Variants in ADSL observed in about 807,000 individuals in gnomAD.
The protein encoded by ADSL is adenylosuccinase.
Under a neutral mutation model 62.1 loss-of-function variants are expected in ADSL, and 44 were observed. The ratio of observed to expected loss-of-function variants is 0.71; its 90% CI spans 0.56 to 0.91. ADSL has a LOEUF of 0.91. Among genes scored for constraint, ADSL ranks in the 40% least tolerant of loss-of-function variants. The pLI is 0.00. For synonymous variants in ADSL, 198 were observed against 220.5 expected, an observed-to-expected ratio of 0.90 and a Z score of 0.90; for missense variants, 531 against 627.4, an observed-to-expected ratio of 0.85 and a Z score of 1.64.
At position 40,386,327 on chromosome 22, in the gene ADSL, T is replaced by C. The variant is rs569286328; in HGVS notation, c.90-3903T>C. ...CAGCATTATTAAGTGTGAAATAATA[T>C]AAAGATATGGACTGCTTAACCCTAA... On this transcript the variant is annotated intron_variant, in intron 2 of 2. Transcript: ENST00000498234. Among the ~76,000 whole-genome samples, 4 of 152,300 alleles carry C rather than the reference T, an allele frequency of 2.6e-5. No individual in the cohort carries two copies. In the South Asian group the frequency reaches 8.3e-4, roughly 32 times the overall value.
downstream of ADSL, among the ~76,000 whole-genome samples, chr22:40,372,116 C>A (rs908468545): frequency 2.5e-5 from 3 of 118,376 alleles, no homozygotes; most frequent in East Asian, 5.2e-4. Context: ...TCCCTGTCCC[C>A]CCCCCCTTTT....
At chr22:40,356,354 G>T (rs987693481) in intron 4 of ADSL, among the ~76,000 whole-genome samples, 1 of 151,982 alleles carries the variant, frequency 6.6e-6, no homozygotes, top group Non-Finnish European at 1.5e-5. Context: ...GGCCAACATG[G>T]TGAAACTCCA....
At chr22:40,351,728 G>T (rs2044354341) in intron 2 of ADSL, among the ~76,000 whole-genome samples, 1 of 151,876 alleles carries the variant, frequency 6.6e-6, no homozygotes, top group African/African-American at 2.4e-5. Context: ...ATTTTTTTGA[G>T]ACGGAGTCTC....
downstream of ADSL, among the ~76,000 whole-genome samples, chr22:40,371,685 C>A (rs568658549): frequency 5.3e-5 from 8 of 151,798 alleles, no homozygotes; most frequent in South Asian, 1.7e-3. Flanking sequence ...ATTTGTAATT[C>A]TTCTTTTCTT....
In ADSL at chr22:40,367,897, A is replaced by G. The variant is rs2045050154; in HGVS notation, c.*1375A>G. 1 of 152,256 alleles carries G rather than the reference A, an allele frequency of 6.6e-6. No individual in the cohort carries two copies. The highest frequency in any genetic ancestry group is 2.1e-4 in the South Asian group (1 of 4,834). 9.4% of individuals were successfully genotyped at this position (152,256 alleles called of 1,614,324 possible). The stretch of plus-strand genomic sequence containing the variant: ...ATGTAAATAAGTTAATCTTAAACTC[A>G]GTATGCACCAGAACTGAGAGAAGAC... On this transcript the variant is annotated 3_prime_UTR_variant, in exon 13 of 13. Transcript: ENST00000623063.
chr22:40,372,887 G>A (rs1569120463), downstream of ADSL: 1 of 152,216 alleles, frequency 6.6e-6, no homozygotes, highest in East Asian at 1.9e-4. Flanking sequence ...TCTCCAGATA[G>A]CCTGTTATTC....
intron 1 of ADSL, 89 bp downstream of exon 1, chr22:40,346,800 C>T: frequency 7.3e-7 from 1 of 1,372,190 alleles, no homozygotes; most frequent in Non-Finnish European, 9.9e-7. Flanking sequence ...GGCTTAGCCA[C>T]CCCGGAGCTG....
intron 2 of ADSL, among the ~76,000 whole-genome samples, chr22:40,377,424 ACTACATATCCTT>A (rs2046818330): frequency 6.6e-6 from 1 of 152,184 alleles, no homozygotes; most frequent in Admixed American, 6.5e-5. Context: ...TTTATGTCCT[ACTACATATCCTT>A]CCAATACATT....
In ADSL at chr22:40,346,587, C is replaced by G. The variant is rs2044147330; in HGVS notation, c.29C>G (p.Pro10Arg). 1 of 1,606,034 alleles carries G rather than the reference C, an allele frequency of 6.2e-7. No individual in the cohort carries two copies. The highest frequency in any genetic ancestry group is 8.5e-7 in the Non-Finnish European group (1 of 1,177,032). ...GCGGCTGGAGGCGATCATGGTTCGC[C>G]CGACAGCTACCGCTCACCTCTTGCC... Reference protein sequence around the residue: MAAGGDHGSPDSYRSPLASR... With the variant: MAAGGDHGSRDSYRSPLASR... Residue 10 changes from proline (P) to arginine (R), a missense_variant, in exon 1 of 13, where the codon CCC becomes CGC. By Grantham distance (103) the Pro-to-Arg change is moderately radical. Coordinates refer to ENST00000623063, the MANE Select transcript of ADSL (RefSeq NM_000026.4).
rs750305626 is a variant in ADSL at position 40,367,677 on chromosome 22, G to A, written c.*1155G>A. The A allele has an allele frequency of 7.2e-5, 12 of 166,974 alleles. No individual in the cohort carries two copies. In the Admixed American group the frequency reaches 7.2e-4, roughly 10 times the overall value. 10.3% of individuals were successfully genotyped at this position (166,974 alleles called of 1,614,324 possible). The stretch of plus-strand genomic sequence containing the variant: ...ACCTACCTGCCAGGAGAGCACTAGT[G>A]TTATTTAGCCCATTCTCATCCTACA... On this transcript the variant is annotated 3_prime_UTR_variant, in exon 13 of 13. Coordinates refer to ENST00000623063, the MANE Select transcript of ADSL (RefSeq NM_000026.4).
At chr22:40,371,203 A>C (rs1159733710), downstream of ADSL, among the ~76,000 whole-genome samples, 1 of 152,360 alleles carries the variant, frequency 6.6e-6, no homozygotes, top group East Asian at 1.9e-4. Context: ...CACGGGGGAA[A>C]CTGAGGCATA....
At chr22:40,353,272 G>GTTTCTTCTTCTCC (rs2044417552) in intron 3 of ADSL, 155 bp downstream of exon 3, 1 of 717,736 alleles carries the variant, frequency 1.4e-6, no homozygotes, top group African/African-American at 1.7e-5. Context: ...AGAACTAATT[G>GTTTCTTCTTCTCC]TTTCTTCTTC....
At chr22:40,353,217 G>A (rs1006445182) in intron 3 of ADSL, 100 bp downstream of exon 3, 2 of 936,758 alleles carry the variant, frequency 2.1e-6, no homozygotes, top group African/African-American at 3.2e-5. Flanking sequence ...TTTTTACATA[G>A]ACTATCATTT....
intron 1 of ADSL, 67 bp downstream of exon 1, chr22:40,346,778 T>C (rs1601543523): frequency 6.6e-7 from 1 of 1,508,796 alleles, no homozygotes; most frequent in African/African-American, 1.4e-5. Context: ...TGCCGGGCTC[T>C]GTTCCGGGCT....
chr22:40,350,248 C>T (rs1218733734), intron 2 of ADSL: 13 of 522,232 alleles, frequency 2.5e-5, no homozygotes, highest in Non-Finnish European at 1.4e-5. Flanking sequence ...CTCAGCCTCC[C>T]GAGTAGCTGG....
At chr22:40,354,177 G>A in intron 3 of ADSL, 71 bp from the exon 4 acceptor site, 2 of 1,290,928 alleles carry the variant, frequency 1.5e-6, no homozygotes, top group Admixed American at 3.4e-5. Context: ...TTATCTGAAA[G>A]TTTTGTTCCT....
intron 2 of ADSL, among the ~76,000 whole-genome samples, chr22:40,385,986 G>C (rs1417737531): frequency 1.3e-5 from 2 of 151,812 alleles, no homozygotes; most frequent in Non-Finnish European, 2.9e-5. Flanking sequence ...CAGGTAGCTG[G>C]GACTACAGGC....
At chr22:40,370,399 A>G (rs892067585), downstream of ADSL, among the ~76,000 whole-genome samples, 5 of 151,756 alleles carry the variant, frequency 3.3e-5, no homozygotes, top group East Asian at 5.8e-4. Context: ...TGCAGCGTCT[A>G]TCTCCCACCA....
intron 7 of ADSL, among the ~76,000 whole-genome samples, chr22:40,360,774 G>C (rs1160733841): frequency 6.6e-6 from 1 of 150,874 alleles, no homozygotes; most frequent in East Asian, 1.9e-4. Context: ...CCAGGCTGGA[G>C]TGCAATGGTA....
Sources: allele counts gnomAD v4.1 joint callset (sites outside exome capture counted in the v4.1 genomes callset), GRCh38; gene constraint gnomAD v4.1.1; transcripts MANE v1.5; gene names NCBI Gene and HGNC (gene_info 2026-07-23, HGNC 2026-07-21).